Variants in SCNN1A observed in about 807,000 individuals in gnomAD.
SCNN1A encodes the protein sodium channel epithelial 1 subunit alpha, also known as epithelial sodium channel subunit alpha.
Under a neutral mutation model 68.6 loss-of-function variants are expected in SCNN1A, and 65 were observed. The observed-to-expected ratio is 0.95, with a 90% CI of 0.78 to 1.16. SCNN1A has a LOEUF of 1.16. SCNN1A is among the 50% of genes most tolerant of loss of function. SCNN1A has a pLI of 0.00. For missense variants in SCNN1A, 880 were observed against 865.9 expected (o/e 1.02, Z -0.20); for synonymous variants, 357 against 353.3 (o/e 1.01, Z -0.12).
chr12:6,363,899 A>T, intron 2 of SCNN1A, 189 bp from the exon 3 acceptor site: 23 of 344,706 alleles, frequency 6.7e-5, no homozygotes, highest in Admixed American at 9.9e-5. Flanking sequence ...TCCGCCGGGA[A>T]GGCGGAGGCC....
At chr12:6,367,520 C>CAT (rs1230295891) in intron 2 of SCNN1A, among the ~76,000 whole-genome samples, 2 of 152,186 alleles carry the variant, frequency 1.3e-5, no homozygotes, top group Admixed American at 6.5e-5. Flanking sequence ...GTCAGACACA[C>CAT]ATACAAGAAA....
At chr12:6,370,999 G>C (rs1948778985) in intron 2 of SCNN1A, among the ~76,000 whole-genome samples, 1 of 152,206 alleles carries the variant, frequency 6.6e-6, no homozygotes, top group Non-Finnish European at 1.5e-5. Flanking sequence ...CAGAGAGAAA[G>C]GGGCTGCAGT....
In SCNN1A at chr12:6,354,491, T is replaced by G. The variant is rs372997123; in HGVS notation, c.1307A>C (p.Tyr436Ser). 2.5e-6 allele frequency: 4 copies of G among 1,613,666 alleles called. No homozygotes were observed. The highest frequency in any genetic ancestry group is 1.7e-5 in the Admixed American group (1 of 60,006). ...GTACTCCACGTTCTGGGGCCGCGGA[T>G]AGAAGATGTAGGCACAGCCACACTC... ...IKECGCAYIF[Y>S]PRPQNVEYCD... is the part of the protein sequence containing the mutation. The change falls in exon 8 of 13, where the codon TAT (tyrosine) becomes TCT (serine). Residue 436 changes from tyrosine (Y) to serine (S), a missense_variant. Tyr to Ser is a moderately radical substitution (Grantham distance 144). Around this residue, in one of 3 missense-constraint regions of SCNN1A, gnomAD observed 758 missense variants for 721.8 expected, o/e 1.05. Coordinates refer to ENST00000228916, the MANE Select transcript of SCNN1A (RefSeq NM_001038.6).
intron 4 of SCNN1A, among the ~76,000 whole-genome samples, chr12:6,361,183 G>A (rs1169988050): frequency 1.3e-5 from 2 of 152,212 alleles, no homozygotes; most frequent in African/African-American, 2.4e-5. Context: ...ACTATTTGTT[G>A]AACGAACACT....
intron 2 of SCNN1A, among the ~76,000 whole-genome samples, chr12:6,373,598 C>T (rs1948834454): frequency 6.6e-6 from 1 of 152,226 alleles, no homozygotes; most frequent in African/African-American, 2.4e-5. Flanking sequence ...CTCCTCTCTT[C>T]TCCACGCTTA....
At position 6,351,724 on chromosome 12, in the gene SCNN1A, G is replaced by A. The variant is rs1948391049; in HGVS notation, c.1361-2319C>T. On this transcript the variant is annotated intron_variant, in intron 8 of 12. Coordinates refer to ENST00000228916, the MANE Select transcript of SCNN1A (RefSeq NM_001038.6). The surrounding 1 kb of genome is among the most constrained non-coding windows in gnomAD (Gnocchi z 4.2). ...CAAGGGCTGGCAGTGGTGGAGGAGG[G>A]GAGGGAAGCTTGGGACTTGCTAATG... is the stretch of plus-strand genomic sequence containing the variant. Among the ~76,000 whole-genome samples the A allele has an allele frequency of 6.6e-6, 1 of 152,026 alleles. No individual in the cohort carries two copies. Among genetic ancestry groups the A allele is most frequent in the Non-Finnish European group, 1.5e-5 (1 of 68,000 alleles).
intron 4 of SCNN1A, among the ~76,000 whole-genome samples, chr12:6,358,822 T>C (rs1948537676): frequency 6.9e-6 from 1 of 145,126 alleles, no homozygotes; most frequent in Non-Finnish European, 1.5e-5. Flanking sequence ...ATTGTGCCAC[T>C]GTACTCCAGC....
intron 2 of SCNN1A, among the ~76,000 whole-genome samples, chr12:6,370,890 GT>G (rs1948777250): frequency 6.6e-6 from 1 of 152,166 alleles, no homozygotes; most frequent in Non-Finnish European, 1.5e-5. Flanking sequence ...AGCCTAAACC[GT>G]TCCTGGGACT....
Position 6,349,419 on chromosome 12 carries a change from G to A in SCNN1A, c.1361-14C>T, listed in dbSNP as rs1330859623. 1 of 1,562,942 alleles carries A rather than the reference G, an allele frequency of 6.4e-7. No individual in the cohort carries two copies. The highest frequency in any genetic ancestry group is 8.7e-7 in the Non-Finnish European group (1 of 1,150,046). ...AGTAGCAGTACCCTGTGGGTACAGA[G>A]AGATGCCTGTTCTCCTAGGGCACCT... On this transcript the variant is annotated splice_polypyrimidine_tract_variant and intron_variant, in intron 8 of 12. Coordinates refer to ENST00000228916, the MANE Select transcript of SCNN1A (RefSeq NM_001038.6).
chr12:6,376,366 G>A (rs559233717), upstream of SCNN1A, among the ~76,000 whole-genome samples: 2 of 152,242 alleles, frequency 1.3e-5, no homozygotes, highest in Non-Finnish European at 2.9e-5. Flanking sequence ...CCAGGAATGT[G>A]TAATCGCCCC....
intron 4 of SCNN1A, among the ~76,000 whole-genome samples, chr12:6,357,434 C>T (rs1039221878): frequency 2.7e-5 from 4 of 150,650 alleles, no homozygotes; most frequent in Non-Finnish European, 4.4e-5. Context: ...ATTCGCCAGG[C>T]GTGGTGGTGG....
chr12:6,373,268 T>TACCAATATGTGCACACAC lies in SCNN1A; in HGVS notation c.416+1082_416+1099dup, dbSNP rs1159778657. ...TCCCCAGCATCCAAAATCGCACACA[T>TACCAATATGTGCACACAC]ACCAATATGTGCACACACACACTCA... On this transcript the variant is annotated intron_variant, in intron 2 of 12. Coordinates refer to ENST00000228916, the MANE Select transcript of SCNN1A (RefSeq NM_001038.6). Among the ~76,000 whole-genome samples the TACCAATATGTGCACACAC allele has an allele frequency of 4.6e-4, 70 of 152,064 alleles. 1 individual carries two copies. The highest frequency in any genetic ancestry group is 8.8e-4 in the Non-Finnish European group (60 of 67,970).
chr12:6,354,670 A>G (rs1948463395), intron 7 of SCNN1A, 80 bp downstream of exon 7: 2 of 1,440,304 alleles, frequency 1.4e-6, no homozygotes, highest in Non-Finnish European at 2.0e-6. Flanking sequence ...TCTCTCTCAC[A>G]TACACAACCC....
chr12:6,354,647 C>A (rs1487266040), intron 7 of SCNN1A, 92 bp from the exon 8 acceptor site: 11 of 1,410,278 alleles, frequency 7.8e-6, no homozygotes, highest in South Asian at 1.2e-5. Flanking sequence ...CACCACCCCC[C>A]AGTTTCCCTC....
chr12:6,362,184 C>A lies in SCNN1A; in HGVS notation c.742G>T (p.Val248Leu). 1 of 1,614,212 alleles carries A rather than the reference C, an allele frequency of 6.2e-7. No homozygotes were observed. The highest frequency in any genetic ancestry group is 8.5e-7 in the Non-Finnish European group (1 of 1,180,008). Residue 248 changes from valine (V) to leucine (L), a missense_variant, in exon 4 of 13, where the codon GTG becomes TTG. Physicochemically the swap from Val to Leu is conservative, Grantham distance 32. Around this residue, in one of 3 missense-constraint regions of SCNN1A, gnomAD observed 758 missense variants for 721.8 expected, o/e 1.05. Transcript: ENST00000228916. ...TAGTGGAAGCGGTACCACTCCCTCA[C>A]CGCATCCACCCCTGATGAGTATGTC... ...YQTYSSGVDA[V>L]REWYRFHYIN...
In SCNN1A at chr12:6,363,551, C is replaced by T; in HGVS notation, c.576G>A (p.Arg192=). 6.2e-7 allele frequency: 1 copy of T among 1,610,614 alleles called. No individual in the cohort carries two copies. The highest frequency in any genetic ancestry group is 8.5e-7 in the Non-Finnish European group (1 of 1,178,604). The change falls in exon 3 of 13, where the codon AGG becomes AGA. Residue 192 remains arginine (R), a synonymous_variant. Coordinates refer to ENST00000228916, the MANE Select transcript of SCNN1A (RefSeq NM_001038.6). ...GTLPHPLQRL[R]VPPPPHGARR... ...GGGCCCCGTGAGGCGGGGGCGGGAC[C>T]CTCAGGCGCTGCAAGGGGTGCGGCA...
rs749712397 is a variant in SCNN1A, at chr12:6,372,124, G to A, written c.416+2244C>T. On this transcript the variant is annotated intron_variant, in intron 2 of 12. Coordinates refer to ENST00000228916, the MANE Select transcript of SCNN1A (RefSeq NM_001038.6). The surrounding 1 kb of genome is among the most constrained non-coding windows in gnomAD (Gnocchi z 5.8). ...CTCCCAAAGTGCTGGGATTACAGGCGTGAGGCACCATGCCCAGCGGTTATT... is the reference window on the plus strand; with the variant it reads ...CTCCCAAAGTGCTGGGATTACAGGCATGAGGCACCATGCCCAGCGGTTATT... Among the ~76,000 whole-genome samples, 2 of 152,198 alleles carry A rather than the reference G, an allele frequency of 1.3e-5. No individual in the cohort carries two copies. The highest frequency in any genetic ancestry group is 2.4e-5 in the African/African-American group (1 of 41,438).
chr12:6,360,099 G>A (rs1427877242), intron 4 of SCNN1A, among the ~76,000 whole-genome samples: 1 of 152,142 alleles, frequency 6.6e-6, no homozygotes, highest in Non-Finnish European at 1.5e-5. Flanking sequence ...ACACAAAATG[G>A]ACTAACACAC....
chr12:6,363,661 G>C lies in SCNN1A; in HGVS notation c.466C>G (p.Gln156Glu), dbSNP rs771805486. The C allele has an allele frequency of 1.9e-6, 3 of 1,609,252 alleles. No homozygotes were observed. In the South Asian group the frequency reaches 3.3e-5, roughly 18 times the overall value. Residue 156 changes from glutamine to glutamate, a missense_variant, in exon 3 of 13, where the codon CAG (glutamine) becomes GAG (glutamate). Physicochemically the swap from Gln to Glu is conservative, Grantham distance 29 (BLOSUM62 2). This residue lies in a region of SCNN1A where 758 missense variants were observed against 721.8 expected (regional missense o/e 1.05). Coordinates refer to ENST00000228916, the MANE Select transcript of SCNN1A (RefSeq NM_001038.6). ...TATTTGTACAGGTCAAAGAGCGTCT[G>C]CTCTGTGATGCGGTCCAGCTCCTCC... is the stretch of plus-strand genomic sequence containing the variant. The part of the protein sequence containing the change: ...ELEELDRITE[Q>E]TLFDLYKYSS...
Sources: allele counts gnomAD v4.1 joint callset (sites outside exome capture counted in the v4.1 genomes callset), GRCh38; gene constraint gnomAD v4.1.1; regional missense constraint gnomAD v4.1.1; non-coding constraint Gnocchi (gnomAD v3.1); transcripts MANE v1.5; gene names NCBI Gene and HGNC (gene_info 2026-07-23, HGNC 2026-07-21).